Variants in BBS9 observed in about 807,000 individuals in gnomAD.
BBS9 encodes protein PTHB1.
Under a neutral mutation model 117.7 loss-of-function variants are expected in BBS9, and 89 were observed. The observed-to-expected ratio is 0.76, with a 90% CI of 0.64 to 0.90. BBS9 has a LOEUF of 0.90. Among genes scored for constraint, BBS9 ranks in the 40% least tolerant of loss-of-function variants. The pLI, the probability that BBS9 is intolerant of heterozygous loss-of-function variation, is 0.00. For synonymous variants in BBS9, 379 were observed against 370.9 expected (o/e 1.02, Z -0.25); for missense variants, 982 against 1,042.2 (o/e 0.94, Z 0.80).
At chr7:33,209,601 T>C (rs940603949) in intron 5 of BBS9, among the ~76,000 whole-genome samples, 1 of 152,180 alleles carries the variant, frequency 6.6e-6, no homozygotes. Flanking sequence ...CTCAGCAGCA[T>C]TTGTCACAGT....
At chr7:33,173,394 C>T (rs1796888237) in intron 4 of BBS9, among the ~76,000 whole-genome samples, 1 of 151,918 alleles carries the variant, frequency 6.6e-6, no homozygotes, top group Non-Finnish European at 1.5e-5. Context: ...TCCTGGCTAA[C>T]ACCGTGAAAC....
chr7:33,622,223 AAAAT>A (rs1220084604), intron 21 of BBS9, among the ~76,000 whole-genome samples: 2 of 152,108 alleles, frequency 1.3e-5, no homozygotes, highest in East Asian at 1.9e-4. Flanking sequence ...AAAAACAAAA[AAAAT>A]AAATAAAAAA....
chr7:33,525,030 T>A (rs1849258341), intron 20 of BBS9, among the ~76,000 whole-genome samples: 1 of 151,954 alleles, frequency 6.6e-6, no homozygotes, highest in Non-Finnish European at 1.5e-5. Context: ...CAGGAGCAGG[T>A]TGTTCAGTTT....
chr7:33,241,132 C>G (rs1485626962), intron 5 of BBS9, among the ~76,000 whole-genome samples: 2 of 151,974 alleles, frequency 1.3e-5, no homozygotes, highest in Admixed American at 1.3e-4. Flanking sequence ...GTTGACCTAG[C>G]GTTAGTGTGT....
intron 5 of BBS9, among the ~76,000 whole-genome samples, chr7:33,181,701 T>A (rs1798123443): frequency 6.6e-6 from 1 of 152,254 alleles, no homozygotes; most frequent in Non-Finnish European, 1.5e-5. Context: ...TTAGCCGATA[T>A]GTTCACACAC....
At chr7:33,150,340 A>G (rs572227564) in intron 2 of BBS9, among the ~76,000 whole-genome samples, 1 of 152,348 alleles carries the variant, frequency 6.6e-6, no homozygotes, top group South Asian at 2.1e-4. Flanking sequence ...CGATAAAGCT[A>G]TCTTACATGT....
intron 20 of BBS9, among the ~76,000 whole-genome samples, chr7:33,514,778 A>G (rs1847489093): frequency 6.6e-6 from 1 of 152,198 alleles, no homozygotes; most frequent in Non-Finnish European, 1.5e-5. Flanking sequence ...TATCTTCACT[A>G]TCATTTCAGA....
intron 5 of BBS9, among the ~76,000 whole-genome samples, chr7:33,255,371 G>T (rs1216921218): frequency 1.4e-4 from 19 of 135,586 alleles, no homozygotes; most frequent in African/African-American, 4.8e-4. Flanking sequence ...TTTGCATGTG[G>T]ATATCCAGTT....
intron 9 of BBS9, among the ~76,000 whole-genome samples, chr7:33,290,318 AAC>A (rs1483788954): frequency 1.3e-5 from 2 of 152,314 alleles, no homozygotes; most frequent in East Asian, 3.9e-4. Context: ...AAGCAGCTGC[AAC>A]ACAGTTTATA....
At chr7:33,197,462 G>A (rs1562780688) in intron 5 of BBS9, among the ~76,000 whole-genome samples, 1 of 151,944 alleles carries the variant, frequency 6.6e-6, no homozygotes, top group South Asian at 2.1e-4. Context: ...CTTAAATTAA[G>A]TTGATTCAGC....
At chr7:33,216,726 T>C (rs2128232677) in intron 5 of BBS9, among the ~76,000 whole-genome samples, 1 of 152,364 alleles carries the variant, frequency 6.6e-6, no homozygotes, top group African/African-American at 2.4e-5. Context: ...TGATATGGTA[T>C]GAAGGAGTCT....
chr7:33,225,542 C>A (rs560572715), intron 5 of BBS9, among the ~76,000 whole-genome samples: 1 of 152,228 alleles, frequency 6.6e-6, no homozygotes, highest in East Asian at 1.9e-4. Flanking sequence ...CAATCTTTAG[C>A]CAAGGGAGCT....
intron 4 of BBS9, among the ~76,000 whole-genome samples, chr7:33,161,759 TCTC>T (rs1237061877): frequency 6.6e-6 from 1 of 152,228 alleles, no homozygotes; most frequent in African/African-American, 2.4e-5. Context: ...CATTCCTATT[TCTC>T]CTCATCCTCT....
intron 1 of BBS9, among the ~76,000 whole-genome samples, chr7:33,130,898 CT>C (rs1211455597): frequency 2.0e-5 from 3 of 152,032 alleles, no homozygotes; most frequent in African/African-American, 7.2e-5. Context: ...GGTACAACTT[CT>C]TGATAGAAAT....
chr7:33,175,743 G>A (rs1418306098), intron 4 of BBS9, among the ~76,000 whole-genome samples: 2 of 152,122 alleles, frequency 1.3e-5, no homozygotes, highest in African/African-American at 4.8e-5. Context: ...ACTTATCTTA[G>A]GTTCTCCAGC....
intron 21 of BBS9, among the ~76,000 whole-genome samples, chr7:33,546,721 G>A (rs2129082172): frequency 6.6e-6 from 1 of 152,272 alleles, no homozygotes; most frequent in Admixed American, 6.5e-5. Flanking sequence ...TGACCTGATG[G>A]TAAAATTACC....
chr7:33,481,601 A>ATG (rs1842523574), intron 19 of BBS9, among the ~76,000 whole-genome samples: 1 of 152,206 alleles, frequency 6.6e-6, no homozygotes, highest in African/African-American at 2.4e-5. Flanking sequence ...ATGTCCATAT[A>ATG]TGTGTAGGTA....
chr7:33,129,300 G>GC (rs1187888101), upstream of BBS9: 59 of 549,880 alleles, frequency 1.1e-4, 1 homozygote, highest in South Asian at 1.4e-3. Flanking sequence ...GGCGTGGCCT[G>GC]CCCCCGGAGC....
chr7:33,461,021 A>G (rs1328161931), intron 19 of BBS9, among the ~76,000 whole-genome samples: 2 of 152,068 alleles, frequency 1.3e-5, no homozygotes, highest in African/African-American at 4.8e-5. Flanking sequence ...TTTACTTAGC[A>G]TAATGTGCTG....
Sources: allele counts gnomAD v4.1 joint callset (sites outside exome capture counted in the v4.1 genomes callset), GRCh38; gene constraint gnomAD v4.1.1; transcripts MANE v1.5; gene names NCBI Gene and HGNC (gene_info 2026-07-23, HGNC 2026-07-21).